GLIS3: variants seen among roughly 807,000 people sequenced by gnomAD.
The protein encoded by GLIS3 is GLIS family zinc finger 3.
A neutral mutation model predicts 78.6 loss-of-function variants in GLIS3; 53 were observed. The observed-to-expected ratio is 0.67, with a 90% CI of 0.54 to 0.85. The LOEUF (loss-of-function observed/expected upper bound fraction) is 0.85, where lower values mean the gene tolerates loss of function less well. GLIS3 is among the 40% of genes least tolerant of loss of function. The pLI is 0.00. For synonymous variants in GLIS3, 684 were observed against 509.9 expected (o/e 1.34, Z -4.60); for missense variants, 1,703 against 1,231.1 (o/e 1.38, Z -5.74).
At chr9:3,842,397 G>C (rs1201469494) in intron 9 of GLIS3, among the ~76,000 whole-genome samples, 2 of 152,112 alleles carry the variant, frequency 1.3e-5, no homozygotes, top group African/African-American at 4.8e-5. Flanking sequence ...GCTTGAACCT[G>C]GGAGGTGGAG....
the GLIS3 span, among the ~76,000 whole-genome samples, chr9:4,369,370 A>T: frequency 6.6e-6 from 1 of 152,212 alleles, no homozygotes. Flanking sequence ...TCATCTGTAA[A>T]ATAAGAACAA....
At chr9:3,993,168 G>A (rs1018386215) in intron 4 of GLIS3, among the ~76,000 whole-genome samples, 3 of 152,120 alleles carry the variant, frequency 2.0e-5, no homozygotes, top group Non-Finnish European at 4.4e-5. Flanking sequence ...TCATGAACTG[G>A]CCTGAAAATA....
chr9:4,392,193 G>A, the GLIS3 span, among the ~76,000 whole-genome samples: 2 of 151,678 alleles, frequency 1.3e-5, no homozygotes, highest in Non-Finnish European at 2.9e-5. Flanking sequence ...TGAACGATGA[G>A]AGCACATGGA....
At chr9:3,829,238 C>A (rs917962553) in intron 10 of GLIS3, 72 bp downstream of exon 10, 98 of 1,323,300 alleles carry the variant, frequency 7.4e-5, no homozygotes, top group Non-Finnish European at 1.0e-4. Flanking sequence ...CAGCCCAGGT[C>A]GGTCACGGGC....
intron 4 of GLIS3, among the ~76,000 whole-genome samples, chr9:4,025,042 G>C (rs1464718747): frequency 6.6e-6 from 1 of 152,024 alleles, no homozygotes; most frequent in Admixed American, 6.6e-5. Context: ...TTGAGGTCAG[G>C]AGTTCGAGAC....
At position 4,117,838 on chromosome 9, in the gene GLIS3, G is replaced by T; in HGVS notation, c.1640C>A (p.Pro547His). Residue 547 changes from proline to histidine, a missense_variant, in exon 4 of 11, where the codon CCC becomes CAC. Pro to His is a moderately conservative substitution (Grantham distance 77, BLOSUM62 -2). Transcript: ENST00000381971. ...FWAGCPRRYK[P>H]FNARYKLLIH... The stretch of plus-strand genomic sequence containing the variant: ...CAGCAGTTTATAGCGGGCGTTGAAG[G>T]GCTTGTATCTTCGAGGGCAACCGGC... 6.2e-7 allele frequency: 1 copy of T among 1,614,144 alleles called. No homozygotes were observed.
At chr9:3,950,109 C>T (rs958952539) in intron 4 of GLIS3, among the ~76,000 whole-genome samples, 1 of 152,236 alleles carries the variant, frequency 6.6e-6, no homozygotes, top group Non-Finnish European at 1.5e-5. Context: ...ACATTTCCCT[C>T]TCCCACATAT....
At chr9:3,856,948 C>T (rs769890382) in intron 8 of GLIS3, among the ~76,000 whole-genome samples, 25 of 152,178 alleles carry the variant, frequency 1.6e-4, no homozygotes, top group Admixed American at 3.3e-4. Flanking sequence ...GATGATTGTA[C>T]ATTGATCTTC....
the GLIS3 span, among the ~76,000 whole-genome samples, chr9:4,419,807 C>CA: frequency 6.6e-6 from 1 of 151,784 alleles, no homozygotes; most frequent in Non-Finnish European, 1.5e-5. Context: ...CAAACAAAAA[C>CA]AAAAAACAAC....
chr9:3,939,146 T>A (rs966285025), intron 4 of GLIS3, among the ~76,000 whole-genome samples: 1 of 152,208 alleles, frequency 6.6e-6, no homozygotes. Context: ...TACCCAAACC[T>A]GAGCAGGCCC....
At chr9:3,905,457 T>C (rs1016622834) in intron 6 of GLIS3, among the ~76,000 whole-genome samples, 4 of 152,108 alleles carry the variant, frequency 2.6e-5, no homozygotes, top group African/African-American at 9.7e-5. Flanking sequence ...GGAGTAGAGA[T>C]TGAAGCAATA....
the GLIS3 span, among the ~76,000 whole-genome samples, chr9:4,390,430 T>C: frequency 1.3e-5 from 2 of 152,088 alleles, no homozygotes; most frequent in African/African-American, 4.8e-5. Context: ...CATTGGAGCA[T>C]TCATATCTCA....
At chr9:4,053,606 T>A (rs558546444) in intron 4 of GLIS3, among the ~76,000 whole-genome samples, 1 of 146,678 alleles carries the variant, frequency 6.8e-6, no homozygotes, top group African/African-American at 2.5e-5. Flanking sequence ...CTTTCTCTAG[T>A]GGATAAATGT....
At chr9:4,167,077 A>G (rs1815924268) in intron 2 of GLIS3, among the ~76,000 whole-genome samples, 1 of 152,256 alleles carries the variant, frequency 6.6e-6, no homozygotes, top group Non-Finnish European at 1.5e-5. Context: ...AAATCAGTTC[A>G]TTTGGATCCG....
intron 2 of GLIS3, among the ~76,000 whole-genome samples, chr9:4,283,586 G>A (rs777690454): frequency 6.6e-6 from 1 of 152,238 alleles, no homozygotes; most frequent in South Asian, 2.1e-4. Context: ...TAGTTTAACT[G>A]CCCACTTGTT....
intron 2 of GLIS3, among the ~76,000 whole-genome samples, chr9:4,149,115 GCTA>G (rs908485046): frequency 5.3e-5 from 8 of 152,134 alleles, no homozygotes; most frequent in Non-Finnish European, 7.3e-5. Context: ...TATTACAGCT[GCTA>G]CTACTACTGC....
intron 9 of GLIS3, among the ~76,000 whole-genome samples, chr9:3,841,045 A>G (rs933279466): frequency 2.0e-5 from 3 of 152,198 alleles, no homozygotes; most frequent in African/African-American, 7.2e-5. Context: ...GGTGGCTAAA[A>G]GCGACAATAG....
At chr9:4,480,520 G>A in the GLIS3 span, among the ~76,000 whole-genome samples, 3 of 152,034 alleles carry the variant, frequency 2.0e-5, no homozygotes, top group African/African-American at 4.8e-5. Flanking sequence ...ATATTCTAAT[G>A]AAGAAATGGA....
chr9:4,098,270 C>T (rs758104265), intron 4 of GLIS3, among the ~76,000 whole-genome samples: 10 of 152,270 alleles, frequency 6.6e-5, no homozygotes, highest in Non-Finnish European at 1.5e-4. Context: ...CTTGCAGCAA[C>T]ACAAAGCCAT....
Sources: gnomAD v4.1 joint callset for allele counts (sites outside exome capture counted in the v4.1 genomes callset) on GRCh38, gnomAD v4.1.1 for gene constraint, MANE v1.5 for transcripts, NCBI Gene and HGNC (gene_info 2026-07-23, HGNC 2026-07-21) for gene names.